Variants in CNTNAP2 observed in about 807,000 individuals in gnomAD.
CNTNAP2 encodes the protein contactin-associated protein-like 2.
Under a neutral mutation model 155.2 loss-of-function variants are expected in CNTNAP2, and 98 were observed. The observed-to-expected ratio is 0.63, with a 90% CI of 0.54 to 0.75. The LOEUF is 0.75. Ranked by LOEUF, CNTNAP2 falls within the 30% of genes least tolerant of loss-of-function variation. CNTNAP2 has a pLI of 0.00. For missense variants in CNTNAP2, 1,727 were observed against 1,688.1 expected, an observed-to-expected ratio of 1.02 and a Z score of -0.40; for synonymous variants, 651 against 631.2, an observed-to-expected ratio of 1.03 and a Z score of -0.47.
intron 12 of CNTNAP2, among the ~76,000 whole-genome samples, chr7:147,574,803 T>G (rs1039386382): frequency 6.6e-6 from 1 of 152,092 alleles, no homozygotes; most frequent in Non-Finnish European, 1.5e-5. Flanking sequence ...ATGCAGGGAT[T>G]CTTTTAGAAA....
intron 3 of CNTNAP2, among the ~76,000 whole-genome samples, chr7:146,972,048 C>T (rs1797811346): frequency 6.6e-6 from 1 of 152,096 alleles, no homozygotes; most frequent in Admixed American, 6.6e-5. Context: ...AAAGCCTTGA[C>T]ATGTACACTT....
chr7:146,188,339 A>G (rs1254165021), intron 1 of CNTNAP2, among the ~76,000 whole-genome samples: 1 of 152,216 alleles, frequency 6.6e-6, no homozygotes, highest in Non-Finnish European at 1.5e-5. Context: ...CATAGAACTC[A>G]AAGTATATTA....
At chr7:147,953,167 T>C (rs921883143) in intron 14 of CNTNAP2, among the ~76,000 whole-genome samples, 2 of 152,240 alleles carry the variant, frequency 1.3e-5, no homozygotes, top group Non-Finnish European at 2.9e-5. Flanking sequence ...GTTTTCTTAG[T>C]TTCATAGGAA....
intron 8 of CNTNAP2, among the ~76,000 whole-genome samples, chr7:147,176,336 A>G (rs1802337565): frequency 6.6e-6 from 1 of 152,170 alleles, no homozygotes; most frequent in Non-Finnish European, 1.5e-5. Flanking sequence ...TTTAATATAC[A>G]TTTCAAACAG....
At chr7:146,148,497 A>G (rs1797987532) in intron 1 of CNTNAP2, among the ~76,000 whole-genome samples, 1 of 152,180 alleles carries the variant, frequency 6.6e-6, no homozygotes, top group African/African-American at 2.4e-5. Flanking sequence ...TTACATAGTA[A>G]TGAAAGAGTA....
At chr7:148,158,222 C>CTTTTGTTTTTTTTTTTT (rs1805441508) in intron 17 of CNTNAP2, among the ~76,000 whole-genome samples, 1 of 94,798 alleles carries the variant, frequency 1.1e-5, no homozygotes, top group Non-Finnish European at 1.9e-5. Context: ...AATGTTTGCG[C>CTTTTGTTTTTTTTTTTT]TTTTTTTTTT....
intron 13 of CNTNAP2, among the ~76,000 whole-genome samples, chr7:147,827,565 TAGAGGAA>T: frequency 6.6e-6 from 1 of 152,276 alleles, no homozygotes; most frequent in South Asian, 2.1e-4. Flanking sequence ...GTGTATTTGG[TAGAGGAA>T]AGAGGAAAGA....
intron 1 of CNTNAP2, among the ~76,000 whole-genome samples, chr7:146,585,630 TA>T (rs1798677308): frequency 6.6e-6 from 1 of 151,636 alleles, no homozygotes; most frequent in African/African-American, 2.4e-5. Context: ...AGTTACCTAT[TA>T]AAAATAAAAT....
At chr7:148,387,379 C>G (rs1221043529) in intron 22 of CNTNAP2, among the ~76,000 whole-genome samples, 2 of 152,128 alleles carry the variant, frequency 1.3e-5, no homozygotes, top group Non-Finnish European at 2.9e-5. Context: ...AAAAACAAAA[C>G]AGTATATACA....
At chr7:147,960,346 G>A (rs1185717854) in intron 14 of CNTNAP2, among the ~76,000 whole-genome samples, 1 of 152,244 alleles carries the variant, frequency 6.6e-6, no homozygotes, top group South Asian at 2.1e-4. Flanking sequence ...TGCCGTCACT[G>A]GCAAAATTTG....
chr7:146,504,053 C>T (rs549773012), intron 1 of CNTNAP2, among the ~76,000 whole-genome samples: 19 of 152,324 alleles, frequency 1.2e-4, no homozygotes, highest in African/African-American at 3.1e-4. Flanking sequence ...TTACATAGTG[C>T]GCGGAATTGT....
At chr7:146,929,051 A>C (rs1449787070) in intron 3 of CNTNAP2, among the ~76,000 whole-genome samples, 1 of 152,216 alleles carries the variant, frequency 6.6e-6, no homozygotes, top group Non-Finnish European at 1.5e-5. Context: ...CTGCAGACTT[A>C]AATGTCCCTG....
At chr7:147,925,540 C>T (rs2538996) in intron 14 of CNTNAP2, among the ~76,000 whole-genome samples, 99,062 of 151,828 alleles carry the variant, frequency 0.65, 33,453 homozygotes, top group East Asian at 0.8. Flanking sequence ...GATCTTGGCT[C>T]ACTGCAAGCT....
intron 2 of CNTNAP2, among the ~76,000 whole-genome samples, chr7:146,834,645 A>T (rs1483318197): frequency 6.6e-6 from 1 of 152,118 alleles, no homozygotes; most frequent in Non-Finnish European, 1.5e-5. Flanking sequence ...TCAACAATAC[A>T]CTAGTTATTT....
intron 1 of CNTNAP2, among the ~76,000 whole-genome samples, chr7:146,699,085 G>A (rs1800832294): frequency 6.6e-6 from 1 of 152,010 alleles, no homozygotes; most frequent in Non-Finnish European, 1.5e-5. Flanking sequence ...TAAATTCCCA[G>A]TTCAATAATT....
At chr7:146,513,621 T>G (rs1028405097) in intron 1 of CNTNAP2, among the ~76,000 whole-genome samples, 4 of 151,972 alleles carry the variant, frequency 2.6e-5, no homozygotes, top group African/African-American at 9.7e-5. Flanking sequence ...TTTTGTTGTC[T>G]CAGTTTGGAT....
chr7:146,185,431 A>G (rs1211867335), intron 1 of CNTNAP2, among the ~76,000 whole-genome samples: 1 of 152,120 alleles, frequency 6.6e-6, no homozygotes. Context: ...AGCCAAGAGT[A>G]TTTACGGGTT....
chr7:148,267,322 C>T (rs1796691221), intron 21 of CNTNAP2, among the ~76,000 whole-genome samples, 196 bp downstream of exon 21: 1 of 151,996 alleles, frequency 6.6e-6, no homozygotes, highest in African/African-American at 2.4e-5. Context: ...GGGGAAATTG[C>T]TCATGTAACT....
chr7:146,117,282 A>G, intron 1 of CNTNAP2: 1 of 358,138 alleles, frequency 2.8e-6, no homozygotes, highest in Non-Finnish European at 5.2e-6. Flanking sequence ...TTGTGCAGGG[A>G]GAGTTAACTG....
Sources: allele counts gnomAD v4.1 joint callset (sites outside exome capture counted in the v4.1 genomes callset), GRCh38; gene constraint gnomAD v4.1.1; transcripts MANE v1.5; gene names NCBI Gene and HGNC (gene_info 2026-07-23, HGNC 2026-07-21).